The following PCDHA10 variants were observed in gnomAD, a reference collection of about 807,000 sequenced individuals.
The protein encoded by PCDHA10 is protocadherin alpha 10, also known as protocadherin alpha-10.
PCDHA10 carries 45 observed loss-of-function variants against 61.2 expected under a neutral mutation model. The ratio of observed to expected loss-of-function variants is 0.74; its 90% CI spans 0.58 to 0.94. PCDHA10 has a LOEUF of 0.94. PCDHA10 is among the 40% of genes least tolerant of loss of function. The pLI is 0.00. For synonymous variants in PCDHA10, 602 were observed against 548.8 expected, an observed-to-expected ratio of 1.10 and a Z score of -1.35; for missense variants, 1,278 against 1,236.2, an observed-to-expected ratio of 1.03 and a Z score of -0.51.
intron 1 of PCDHA10, among the ~76,000 whole-genome samples, chr5:140,959,712 T>A (rs166567): frequency 0.25 from 37,822 of 152,086 alleles, 5,932 homozygotes; most frequent in African/African-American, 0.45. Flanking sequence ...AAAGGGAAAA[T>A]TTTTAGATAA....
chr5:140,942,532 A>G (rs1474733493), intron 1 of PCDHA10, among the ~76,000 whole-genome samples: 2 of 152,142 alleles, frequency 1.3e-5, no homozygotes, highest in Non-Finnish European at 2.9e-5. Context: ...CAACTAACTC[A>G]GTATGGTGGG....
intron 1 of PCDHA10, chr5:140,966,963 G>C: frequency 6.2e-7 from 1 of 1,602,992 alleles, no homozygotes; most frequent in Non-Finnish European, 8.5e-7. Context: ...CGCGCGCTGG[G>C]GCTTGAGCTG....
At chr5:140,871,308 G>GC (rs2052955236) in intron 1 of PCDHA10, 1 of 1,613,880 alleles carries the variant, frequency 6.2e-7, no homozygotes. Flanking sequence ...CGCCGGGGAA[G>GC]CCCACGCTGG....
chr5:140,884,167 G>T (rs1554181302), intron 1 of PCDHA10: 2 of 1,613,294 alleles, frequency 1.2e-6, no homozygotes, highest in African/African-American at 1.3e-5. Context: ...AGATCAGCAC[G>T]ACGCGCCCTC....
intron 1 of PCDHA10, among the ~76,000 whole-genome samples, chr5:140,971,432 A>G (rs1446143040): frequency 6.6e-6 from 1 of 152,226 alleles, no homozygotes; most frequent in African/African-American, 2.4e-5. Context: ...AAGAACCCCA[A>G]GATCTACAGC....
intron 1 of PCDHA10, among the ~76,000 whole-genome samples, chr5:140,879,793 C>T (rs1417873343): frequency 2.0e-5 from 3 of 152,192 alleles, no homozygotes; most frequent in Admixed American, 6.5e-5. Flanking sequence ...GTTTTTGTTT[C>T]TTCCAGTTTC....
Position 141,010,368 on chromosome 5 carries a change from C to G in PCDHA10, c.*431C>G, listed in dbSNP as rs368481822. 3,124 of 1,471,046 alleles carry G rather than the reference C, an allele frequency of 2.1e-3. 5 individuals are homozygous for G. Among genetic ancestry groups the G allele is most frequent in the Middle Eastern group, 8.7e-3 (36 of 4,144 alleles). The allele number at this position is 1,471,046 out of a possible 1,614,324, so 91.1% of individuals were successfully genotyped here. A position where few individuals can be genotyped will look rare whatever the true frequency, so the allele number is the denominator to read the frequency against. On this transcript the variant is annotated 3_prime_UTR_variant, in exon 4 of 4. Coordinates refer to ENST00000307360, the MANE Select transcript of PCDHA10 (RefSeq NM_018901.4). ...GGTATGTGTGGCTACCGCGGGTATG[C>G]GAGTGCCAGATATTGGCTGAGACGA...
At chr5:140,886,615 C>A (rs1032902050) in intron 1 of PCDHA10, among the ~76,000 whole-genome samples, 2 of 152,028 alleles carry the variant, frequency 1.3e-5, no homozygotes, top group Admixed American at 1.3e-4. Flanking sequence ...ATCAGGAGAT[C>A]AGGAGTCCGA....
chr5:140,965,236 A>G (rs1374558346), intron 1 of PCDHA10, among the ~76,000 whole-genome samples: 1 of 152,222 alleles, frequency 6.6e-6, no homozygotes, highest in African/African-American at 2.4e-5. Flanking sequence ...GAACCTGGGA[A>G]GAGTGAATAT....
intron 1 of PCDHA10, chr5:140,876,486 G>T (rs2153341413): frequency 6.2e-7 from 1 of 1,614,014 alleles, no homozygotes; most frequent in Non-Finnish European, 8.5e-7. Context: ...TGGTCCTGGT[G>T]GAAGTTCTGG....
chr5:140,906,680 C>T (rs2072848945), intron 1 of PCDHA10, among the ~76,000 whole-genome samples: 2 of 152,166 alleles, frequency 1.3e-5, no homozygotes, highest in Admixed American at 6.5e-5. Context: ...AACCTTCATT[C>T]CTGAAGGATC....
chr5:140,882,580 C>G (rs371338305), intron 1 of PCDHA10: 3 of 1,614,244 alleles, frequency 1.9e-6, no homozygotes, highest in East Asian at 4.5e-5. Flanking sequence ...AGTGCAGCAT[C>G]CACCTGGAGG....
intron 1 of PCDHA10, chr5:140,868,832 C>T: frequency 2.4e-6 from 1 of 420,492 alleles, no homozygotes; most frequent in Non-Finnish European, 4.1e-6. Context: ...GGAAGAAACC[C>T]AAAACACGTG....
At chr5:140,974,614 C>T (rs757071183) in intron 1 of PCDHA10, among the ~76,000 whole-genome samples, 3 of 152,070 alleles carry the variant, frequency 2.0e-5, no homozygotes, top group East Asian at 1.9e-4. Context: ...AGGGTTCAAG[C>T]GATTCTCCTG....
At chr5:141,005,093 G>A (rs1441843884) in intron 3 of PCDHA10, among the ~76,000 whole-genome samples, 1 of 152,172 alleles carries the variant, frequency 6.6e-6, no homozygotes, top group East Asian at 1.9e-4. Flanking sequence ...TACTTTACAT[G>A]CATTACATCA....
intron 1 of PCDHA10, chr5:140,883,696 G>A (rs142212706): frequency 6.2e-7 from 1 of 1,613,818 alleles, no homozygotes; most frequent in Non-Finnish European, 8.5e-7. Flanking sequence ...ACATCTTCAC[G>A]GTGTCTGCTC....
At chr5:140,966,950 G>A (rs782713044) in intron 1 of PCDHA10, 3 of 1,603,480 alleles carry the variant, frequency 1.9e-6, no homozygotes, top group Non-Finnish European at 2.5e-6. Flanking sequence ...GGGCAACGTG[G>A]CTCGCGCGCT....
chr5:141,000,948 G>C (rs1032144041), intron 3 of PCDHA10, among the ~76,000 whole-genome samples: 3 of 151,774 alleles, frequency 2.0e-5, no homozygotes, highest in Non-Finnish European at 1.5e-5. Flanking sequence ...AAATTATCTT[G>C]CTGTAATTTA....
chr5:140,928,814 A>G, intron 1 of PCDHA10: 1 of 1,614,150 alleles, frequency 6.2e-7, no homozygotes, highest in East Asian at 2.2e-5. Context: ...GTTCGGGACC[A>G]TGGAGACCCA....
Sources: gnomAD v4.1 joint callset for allele counts (sites outside exome capture counted in the v4.1 genomes callset) on GRCh38, gnomAD v4.1.1 for gene constraint, MANE v1.5 for transcripts, NCBI Gene and HGNC (gene_info 2026-07-23, HGNC 2026-07-21) for gene names.